SLC25A26: variants seen among roughly 807,000 people sequenced by gnomAD.
SLC25A26 encodes the protein mitochondrial S-adenosylmethionine carrier protein.
SLC25A26 carries 36 observed loss-of-function variants against 37.8 expected under a neutral mutation model. That is an observed-to-expected ratio of 0.95 (90% CI 0.73 to 1.26). The LOEUF (loss-of-function observed/expected upper bound fraction) is 1.26, where lower values mean the gene tolerates loss of function less well. Among genes scored for constraint, SLC25A26 ranks in the 50% most tolerant of loss-of-function variants. SLC25A26 has a pLI of 0.00. For synonymous variants in SLC25A26, 129 were observed against 122.5 expected, an observed-to-expected ratio of 1.05 and a Z score of -0.35; for missense variants, 390 against 331.1, an observed-to-expected ratio of 1.18 and a Z score of -1.38.
At chr3:66,291,952 C>G (rs572311365) in intron 5 of SLC25A26, among the ~76,000 whole-genome samples, 17 of 152,272 alleles carry the variant, frequency 1.1e-4, no homozygotes, top group Non-Finnish European at 1.9e-4. Context: ...TTGTAGGTCT[C>G]TAAGAACTTG....
intron 5 of SLC25A26, among the ~76,000 whole-genome samples, chr3:66,264,930 A>G (rs946966001): frequency 6.6e-6 from 1 of 152,206 alleles, no homozygotes; most frequent in East Asian, 1.9e-4. Flanking sequence ...AATTTCTGTG[A>G]TTCAACACAT....
intron 1 of SLC25A26, among the ~76,000 whole-genome samples, chr3:66,145,993 T>C (rs2070109180): frequency 6.6e-6 from 1 of 152,214 alleles, no homozygotes; most frequent in Non-Finnish European, 1.5e-5. Context: ...CTGTTTAACA[T>C]GAAAGTAGAC....
At chr3:66,268,250 A>G (rs1293753055) in intron 5 of SLC25A26, among the ~76,000 whole-genome samples, 1 of 152,190 alleles carries the variant, frequency 6.6e-6, no homozygotes, top group Non-Finnish European at 1.5e-5. Flanking sequence ...ACATGGTTGA[A>G]TGTTTGCAGG....
intron 9 of SLC25A26, among the ~76,000 whole-genome samples, chr3:66,377,097 C>T (rs1457237738): frequency 1.3e-5 from 2 of 152,112 alleles, no homozygotes; most frequent in Non-Finnish European, 1.5e-5. Flanking sequence ...CAATTTGTAT[C>T]CTCGTGGCAT....
At chr3:66,347,380 A>G (rs11717190) in intron 6 of SLC25A26, among the ~76,000 whole-genome samples, 53,521 of 152,194 alleles carry the variant, frequency 0.35, 10,128 homozygotes, top group East Asian at 0.69. Flanking sequence ...AAAAAGCTCA[A>G]CATCACTGAT....
chr3:66,292,828 G>C (rs2074761041), intron 5 of SLC25A26, among the ~76,000 whole-genome samples: 1 of 152,126 alleles, frequency 6.6e-6, no homozygotes, highest in South Asian at 2.1e-4. Context: ...TTGAATGTTA[G>C]CCTCTCTTGC....
chr3:66,329,643 A>G (rs1243638067), intron 5 of SLC25A26, among the ~76,000 whole-genome samples: 3 of 152,232 alleles, frequency 2.0e-5, no homozygotes, highest in Admixed American at 2.0e-4. Flanking sequence ...AAGAAAATTG[A>G]AAGAAGAAAG....
chr3:66,313,668 T>C (rs903001130), intron 5 of SLC25A26, among the ~76,000 whole-genome samples: 1 of 152,190 alleles, frequency 6.6e-6, no homozygotes, highest in African/African-American at 2.4e-5. Flanking sequence ...ATGTTAATGG[T>C]AGTTTAATGG....
At chr3:66,292,544 C>T (rs932293249) in intron 5 of SLC25A26, among the ~76,000 whole-genome samples, 4 of 152,108 alleles carry the variant, frequency 2.6e-5, no homozygotes, top group African/African-American at 9.7e-5. Context: ...TTTTATTTCT[C>T]CTTTGCTTAT....
At chr3:66,270,291 C>A (rs991008401) in intron 5 of SLC25A26, among the ~76,000 whole-genome samples, 4 of 152,096 alleles carry the variant, frequency 2.6e-5, no homozygotes, top group African/African-American at 9.7e-5. Flanking sequence ...CTTAGCACTT[C>A]TACTGAAAAG....
intron 1 of SLC25A26, among the ~76,000 whole-genome samples, chr3:66,198,612 C>G (rs1348294668): frequency 6.6e-6 from 1 of 151,912 alleles, no homozygotes; most frequent in Non-Finnish European, 1.5e-5. Context: ...GACACTCACC[C>G]TCACCATGTC....
At chr3:66,343,206 T>C (rs769500760) in intron 5 of SLC25A26, among the ~76,000 whole-genome samples, 1 of 152,244 alleles carries the variant, frequency 6.6e-6, no homozygotes, top group East Asian at 1.9e-4. Flanking sequence ...GGAGCTGTAT[T>C]TGCTGGCAGC....
chr3:66,166,096 C>T (rs2070421870), intron 1 of SLC25A26, among the ~76,000 whole-genome samples: 2 of 152,188 alleles, frequency 1.3e-5, no homozygotes, highest in African/African-American at 2.4e-5. Flanking sequence ...CTTATTTGCT[C>T]TGCTCTCAAA....
At chr3:66,258,599 G>A (rs1163547369) in intron 3 of SLC25A26, among the ~76,000 whole-genome samples, 1 of 152,116 alleles carries the variant, frequency 6.6e-6, no homozygotes, top group African/African-American at 2.4e-5. Flanking sequence ...TTTTCTAATA[G>A]CCACATTAAA....
rs1024021622 is a variant in SLC25A26 at position 66,262,292 on chromosome 3, G to C, written c.405+137G>C. ...TAATGTCCAGTTATAGTAAATTTTT[G>C]CTAAGATTATCTTTGCCTTTTATTG... is the stretch of plus-strand genomic sequence containing the variant. On this transcript the variant is annotated intron_variant, in intron 4 of 9. Transcript: ENST00000354883. 6.5e-6 allele frequency: 3 copies of C among 460,240 alleles called. No homozygotes were observed. In the Middle Eastern group the frequency reaches 1.6e-3, roughly 251 times the overall value. The allele number at this position is 460,240 out of a possible 1,614,324, so 28.5% of individuals were successfully genotyped here. A position where few individuals can be genotyped will look rare whatever the true frequency, so the allele number is the denominator to read the frequency against.
intron 5 of SLC25A26, among the ~76,000 whole-genome samples, chr3:66,330,247 G>A (rs114051881): frequency 6.6e-6 from 1 of 152,106 alleles, no homozygotes; most frequent in African/African-American, 2.4e-5. Flanking sequence ...GGTAGAGCAG[G>A]TTTGGGAGGA....
chr3:66,266,083 G>A (rs2073736927), intron 5 of SLC25A26, among the ~76,000 whole-genome samples: 1 of 152,188 alleles, frequency 6.6e-6, no homozygotes, highest in Non-Finnish European at 1.5e-5. Flanking sequence ...AAAGTAGTGT[G>A]ACCTCACTGA....
chr3:66,370,320 A>G (rs1700276008), intron 8 of SLC25A26, among the ~76,000 whole-genome samples: 1 of 152,130 alleles, frequency 6.6e-6, no homozygotes, highest in African/African-American at 2.4e-5. Flanking sequence ...CCTGTGTGGC[A>G]TGGGCCACAT....
intron 1 of SLC25A26, among the ~76,000 whole-genome samples, chr3:66,134,499 G>T (rs2069917456): frequency 6.6e-6 from 1 of 152,186 alleles, no homozygotes; most frequent in Non-Finnish European, 1.5e-5. Flanking sequence ...TGACAGACTT[G>T]CAGAACTTCA....
Sources: allele counts gnomAD v4.1 joint callset (sites outside exome capture counted in the v4.1 genomes callset), GRCh38; gene constraint gnomAD v4.1.1; transcripts MANE v1.5; gene names NCBI Gene and HGNC (gene_info 2026-07-23, HGNC 2026-07-21).